Variants in PTPRE observed in about 807,000 individuals in gnomAD.
PTPRE encodes protein tyrosine phosphatase receptor type E.
A neutral mutation model predicts 102.0 loss-of-function variants in PTPRE; 51 were observed. The ratio of observed to expected loss-of-function variants is 0.50; its 90% CI spans 0.40 to 0.63. PTPRE has a LOEUF of 0.63. Among genes scored for constraint, PTPRE ranks in the 30% least tolerant of loss-of-function variants. The probability of loss-of-function intolerance (pLI) is 0.00; values close to 1 mark genes in which losing one functional copy is unlikely to be tolerated. For missense variants in PTPRE, 752 were observed against 915.1 expected (o/e 0.82, Z 2.30); for synonymous variants, 345 against 348.2 (o/e 0.99, Z 0.10).
intron 1 of PTPRE, among the ~76,000 whole-genome samples, chr10:127,953,066 TG>T (rs1849153881): frequency 6.6e-6 from 1 of 152,232 alleles, no homozygotes; most frequent in Admixed American, 6.5e-5. Flanking sequence ...TGAAACTATT[TG>T]GATTTTGTAA....
chr10:127,985,134 C>T (rs1020432585), intron 2 of PTPRE, among the ~76,000 whole-genome samples: 2 of 152,220 alleles, frequency 1.3e-5, no homozygotes, highest in African/African-American at 4.8e-5. Context: ...CCACAGCCAC[C>T]GCCCACACTG....
chr10:128,041,217 C>T (rs1847664476), intron 3 of PTPRE, among the ~76,000 whole-genome samples: 1 of 152,018 alleles, frequency 6.6e-6, no homozygotes, highest in South Asian at 2.1e-4. Context: ...ATCTACAACC[C>T]CAGCTGAGAG....
chr10:128,058,471 C>T (rs1849206950), intron 7 of PTPRE, among the ~76,000 whole-genome samples: 1 of 152,232 alleles, frequency 6.6e-6, no homozygotes, highest in Non-Finnish European at 1.5e-5. Flanking sequence ...CCCCAGGGCC[C>T]ACGCAGCTGC....
intron 2 of PTPRE, among the ~76,000 whole-genome samples, chr10:128,009,633 C>A (rs1408199875): frequency 6.6e-6 from 1 of 152,208 alleles, no homozygotes; most frequent in African/African-American, 2.4e-5. Flanking sequence ...TGGACTGGAG[C>A]TCGGGTCGTC....
rs770494542 is a variant in PTPRE at position 128,060,985 on chromosome 10, T to C, written c.558T>C (p.Cys186=). The C allele has an allele frequency of 6.2e-7, 1 of 1,614,198 alleles. No homozygotes were observed. Among genetic ancestry groups the C allele is most frequent in the Non-Finnish European group, 8.5e-7 (1 of 1,180,016 alleles). The change falls in exon 8 of 21, where the codon TGT becomes TGC. Residue 186 remains cysteine (C), a synonymous_variant. Coordinates refer to ENST00000254667, the MANE Select transcript of PTPRE (RefSeq NM_006504.6). ...TGAGCCAACTGGATGGAATTCCCTGTTCAGACTACATCAATGCTTCCTACA... is the reference window on the plus strand; with the variant it reads ...TGAGCCAACTGGATGGAATTCCCTGCTCAGACTACATCAATGCTTCCTACA... ...VILSQLDGIP[C]SDYINASYID...
intron 2 of PTPRE, among the ~76,000 whole-genome samples, chr10:128,015,069 CAT>C (rs1159392442): frequency 6.6e-6 from 1 of 152,174 alleles, no homozygotes; most frequent in Non-Finnish European, 1.5e-5. Flanking sequence ...CCTTTGTAAA[CAT>C]ATATACTTCC....
chr10:127,978,739 G>A (rs747439734), intron 1 of PTPRE, among the ~76,000 whole-genome samples: 22 of 152,020 alleles, frequency 1.4e-4, no homozygotes, highest in Non-Finnish European at 2.2e-4. Flanking sequence ...GGGTCTCACC[G>A]GCCGGGCTTG....
chr10:127,971,728 G>C (rs1850755648), intron 1 of PTPRE, among the ~76,000 whole-genome samples: 1 of 152,180 alleles, frequency 6.6e-6, no homozygotes. Flanking sequence ...TTAGAATCTT[G>C]GCAGCTCTAG....
chr10:127,942,770 G>A (rs1392137928), intron 1 of PTPRE, among the ~76,000 whole-genome samples: 1 of 152,200 alleles, frequency 6.6e-6, no homozygotes, highest in Non-Finnish European at 1.5e-5. Context: ...TTTGGGAAGA[G>A]GAAGAAGTAC....
chr10:128,027,344 G>A (rs1846357935), intron 2 of PTPRE, among the ~76,000 whole-genome samples: 1 of 152,184 alleles, frequency 6.6e-6, no homozygotes, highest in African/African-American at 2.4e-5. Context: ...GGCTGCTTTT[G>A]TGGGGCCTGC....
intron 2 of PTPRE, among the ~76,000 whole-genome samples, chr10:128,015,144 CA>C (rs1343615494): frequency 6.6e-6 from 1 of 152,166 alleles, no homozygotes; most frequent in East Asian, 1.9e-4. Context: ...AATGTGTCCA[CA>C]AAAAGACCTG....
intron 20 of PTPRE, among the ~76,000 whole-genome samples, chr10:128,080,443 C>G (rs1851603747): frequency 6.6e-6 from 1 of 152,230 alleles, no homozygotes; most frequent in African/African-American, 2.4e-5. Flanking sequence ...GTCCCCCTCA[C>G]AGCAAGGCGC....
chr10:128,026,634 G>A (rs1667479193), intron 2 of PTPRE, among the ~76,000 whole-genome samples: 1 of 152,112 alleles, frequency 6.6e-6, no homozygotes, highest in Admixed American at 6.5e-5. Context: ...GGACTTCTTT[G>A]CCAGTCTTTT....
chr10:128,001,757 A>C (rs759853982), intron 2 of PTPRE, among the ~76,000 whole-genome samples: 2 of 152,162 alleles, frequency 1.3e-5, no homozygotes, highest in Non-Finnish European at 2.9e-5. Context: ...GAAGGTTCTT[A>C]GTATTAGGAG....
chr10:128,072,147 A>G lies in PTPRE; in HGVS notation c.1397A>G (p.Asn466Ser). 6.2e-7 allele frequency: 1 copy of G among 1,613,974 alleles called. No individual in the cohort carries two copies. Residue 466 changes from asparagine (N) to serine (S), a missense_variant, in exon 16 of 21, where the codon AAC (asparagine) becomes AGC (serine). By Grantham distance (46) the Asn-to-Ser change is conservative (BLOSUM62 1). This residue lies in a region of PTPRE where 636 missense variants were observed against 824.4 expected (regional missense o/e 0.77). Coordinates refer to ENST00000254667, the MANE Select transcript of PTPRE (RefSeq NM_006504.6). ...RVIQIIPYDFNRVILSMKRGQ... is the reference protein window; with the variant it reads ...RVIQIIPYDFSRVILSMKRGQ... ...AGATAATGCTTTGCAGATGACTTCA[A>G]CCGAGTGATCCTTTCCATGAAAAGG...
intron 18 of PTPRE, among the ~76,000 whole-genome samples, chr10:128,077,391 G>A (rs369328440): frequency 7.2e-5 from 11 of 152,328 alleles, no homozygotes; most frequent in Middle Eastern, 3.4e-3. Context: ...ATGTCCTCTG[G>A]ACGGCTCGCT....
intron 1 of PTPRE, among the ~76,000 whole-genome samples, chr10:127,954,004 A>G (rs1849225148): frequency 6.6e-6 from 1 of 152,252 alleles, no homozygotes; most frequent in Non-Finnish European, 1.5e-5. Flanking sequence ...GTATGTGGAT[A>G]GACTGCTCTG....
At chr10:127,955,078 G>A (rs1849299141) in intron 1 of PTPRE, among the ~76,000 whole-genome samples, 1 of 152,036 alleles carries the variant, frequency 6.6e-6, no homozygotes, top group African/African-American at 2.4e-5. Context: ...CTACTCCATA[G>A]TGGAGGCAAG....
intron 2 of PTPRE, among the ~76,000 whole-genome samples, chr10:128,024,132 T>G (rs2135707501): frequency 6.6e-6 from 1 of 152,358 alleles, no homozygotes; most frequent in South Asian, 2.1e-4. Flanking sequence ...TCTTTCATCT[T>G]TGGTTTTATG....
Sources: allele counts gnomAD v4.1 joint callset (sites outside exome capture counted in the v4.1 genomes callset), GRCh38; gene constraint gnomAD v4.1.1; regional missense constraint gnomAD v4.1.1; transcripts MANE v1.5; gene names NCBI Gene and HGNC (gene_info 2026-07-23, HGNC 2026-07-21).